Variants in LTK observed in about 807,000 individuals in gnomAD.
LTK encodes leukocyte tyrosine kinase receptor.
LTK carries 117 observed loss-of-function variants against 101.5 expected under a neutral mutation model. The observed-to-expected ratio is 1.15, with a 90% CI of 0.99 to 1.34. LTK has a LOEUF of 1.34. Ranked by LOEUF, LTK falls within the 40% of genes most tolerant of loss-of-function variation. The probability of loss-of-function intolerance (pLI) is 0.00; values close to 1 mark genes in which losing one functional copy is unlikely to be tolerated. For synonymous variants in LTK, 563 were observed against 494.2 expected, an observed-to-expected ratio of 1.14 and a Z score of -1.85; for missense variants, 1,252 against 1,164.7, an observed-to-expected ratio of 1.07 and a Z score of -1.09.
intron 11 of LTK, among the ~76,000 whole-genome samples, chr15:41,506,651 C>T (rs923022756): frequency 1.3e-5 from 2 of 152,016 alleles, no homozygotes; most frequent in Admixed American, 6.6e-5. Context: ...AGTGCAATGG[C>T]GCAATCTCGG....
At chr15:41,513,207 T>G in intron 1 of LTK, 87 bp from the exon 2 acceptor site, 1 of 1,463,466 alleles carries the variant, frequency 6.8e-7, no homozygotes, top group South Asian at 1.3e-5. Flanking sequence ...ACAGCTGCCC[T>G]TGCGGTCGCG....
At chr15:41,513,613 GC>G in intron 1 of LTK, 53 bp downstream of exon 1, 1 of 1,572,672 alleles carries the variant, frequency 6.4e-7, no homozygotes, top group Non-Finnish European at 8.7e-7. Flanking sequence ...CCACCCCCAA[GC>G]CTAGGAAAGT....
intron 11 of LTK, 140 bp from the exon 12 acceptor site, chr15:41,506,145 C>G: frequency 1.7e-6 from 1 of 602,414 alleles, no homozygotes; most frequent in Admixed American, 3.0e-5. Context: ...CATGGCATGT[C>G]CCCAGGTAGA....
Position 41,505,117 on chromosome 15 carries a change from C to T in LTK, c.1926-53G>A, listed in dbSNP as rs147416503. On this transcript the variant is annotated intron_variant, in intron 15 of 19. Coordinates refer to ENST00000263800, the MANE Select transcript of LTK (RefSeq NM_002344.6). Reference sequence around the variant, plus strand: ...CCAGAATCTAGAAGTTCTTGCTCTTCCTGATCTATTTCCTTAAAAGCTGTG... The same window carrying T: ...CCAGAATCTAGAAGTTCTTGCTCTTTCTGATCTATTTCCTTAAAAGCTGTG... The T allele has an allele frequency of 1.2e-4, 184 of 1,585,480 alleles. 2 individuals carry two copies. The East Asian group carries it at 2.6e-3, about 22-fold the overall frequency.
At chr15:41,513,581 T>C (rs2051564773) in intron 1 of LTK, 86 bp downstream of exon 1, 5 of 1,267,018 alleles carry the variant, frequency 3.9e-6, no homozygotes, top group Non-Finnish European at 5.8e-6. Context: ...GAGGAACCAC[T>C]GACACCTGGC....
rs534126157 is a variant in LTK, at chr15:41,504,331, C to G, written c.2346+11G>C. Reference sequence around the variant, plus strand: ...ACAAGACCAGGATGTTAGATTAGGTCGGGGGCACACCTGAGTGCAGTACTG... The same window carrying G: ...ACAAGACCAGGATGTTAGATTAGGTGGGGGGCACACCTGAGTGCAGTACTG... On this transcript the variant is annotated intron_variant, in intron 19 of 19. Coordinates refer to ENST00000263800, the MANE Select transcript of LTK (RefSeq NM_002344.6). The G allele has an allele frequency of 3.7e-6, 6 of 1,613,756 alleles. No homozygotes were observed. The highest frequency in any genetic ancestry group is 3.3e-5 in the South Asian group (3 of 91,068).
chr15:41,511,753 G>A lies in LTK; in HGVS notation c.657+64C>T, dbSNP rs902533098. 4.6e-5 allele frequency: 67 copies of A among 1,450,352 alleles called. No homozygotes were observed. The highest frequency in any genetic ancestry group is 5.1e-5 in the Non-Finnish European group (57 of 1,113,074). The allele number at this position is 1,450,352 out of a possible 1,614,324, so 89.8% of individuals were successfully genotyped here. A position where few individuals can be genotyped will look rare whatever the true frequency, so the allele number is the denominator to read the frequency against. ...ACCCCAAGGGACGGACGGAGAGCCG[G>A]TGCGTGAGCGCCCCTGGGGAGAGGA... On this transcript the variant is annotated intron_variant, in intron 5 of 19. Coordinates refer to ENST00000263800, the MANE Select transcript of LTK (RefSeq NM_002344.6). The surrounding 1 kb of genome is among the most constrained non-coding windows in gnomAD (Gnocchi z 5.9).
chr15:41,504,582 G>A lies in LTK; in HGVS notation c.2179C>T (p.Arg727Cys), dbSNP rs143635378. ...AAGTCCAGCACCTCCTGGTTGGTGC[G>A]CCCAGGATAGGGCATGTAGCCCAGT... ...FSLGYMPYPG[R>C]TNQEVLDFVV... Residue 727 changes from arginine (R) to cysteine (C), a missense_variant, in exon 18 of 20, where the codon CGC (arginine) becomes TGC (cysteine). By Grantham distance (180) the Arg-to-Cys change is radical (BLOSUM62 -3). Coordinates refer to ENST00000263800, the MANE Select transcript of LTK (RefSeq NM_002344.6). 9.1e-5 allele frequency: 147 copies of A among 1,613,654 alleles called. No homozygotes were observed. Among genetic ancestry groups the A allele is most frequent in the Admixed American group, 4.2e-4 (25 of 59,994 alleles).
chr15:41,513,605 AC>A, intron 1 of LTK, 61 bp downstream of exon 1: 1 of 1,517,056 alleles, frequency 6.6e-7, no homozygotes, highest in Non-Finnish European at 9.2e-7. Context: ...TTGACCGGCC[AC>A]CCCCAAGCCT....
rs149800453 is a variant in LTK at position 41,505,270 on chromosome 15, C to T, written c.1863G>A (p.Leu621=). ...QPSPLVMRDL[L]QLAQDIAQGC... is the part of the protein sequence containing the mutation. Reference sequence around the variant, plus strand: ...CCTGGGCTATGTCCTGGGCCAGTTGCAGCAGGTCCCGCATGACCAGAGGTG... The same window carrying T: ...CCTGGGCTATGTCCTGGGCCAGTTGTAGCAGGTCCCGCATGACCAGAGGTG... Residue 621 remains leucine (L), a synonymous_variant, in exon 15 of 20, where the codon CTG becomes CTA. Transcript: ENST00000263800. 7.5e-5 allele frequency: 121 copies of T among 1,614,050 alleles called. No homozygotes were observed. Among genetic ancestry groups the T allele is most frequent in the Non-Finnish European group, 9.5e-5 (112 of 1,180,002 alleles).
chr15:41,507,765 G>T, intron 9 of LTK, 108 bp from the exon 10 acceptor site: 1 of 1,232,974 alleles, frequency 8.1e-7, no homozygotes, highest in Non-Finnish European at 1.1e-6. Context: ...TTTCCATGAT[G>T]CCTTCCCCCA....
At chr15:41,512,404 G>A in intron 3 of LTK, 139 bp from the exon 4 acceptor site, 7 of 980,960 alleles carry the variant, frequency 7.1e-6, no homozygotes, top group Non-Finnish European at 1.0e-5. Flanking sequence ...GACGGGATGG[G>A]AAGGGTAGGT....
chr15:41,509,285 G>T (rs533345744), intron 7 of LTK, among the ~76,000 whole-genome samples, 156 bp from the exon 8 acceptor site: 1 of 152,152 alleles, frequency 6.6e-6, no homozygotes, highest in Non-Finnish European at 1.5e-5. Flanking sequence ...AGGTGAGGAG[G>T]GGGTAATCAG....
rs1479707521 is a variant in LTK, at chr15:41,508,076, G to A, written c.1242C>T (p.Thr414=). The A allele has an allele frequency of 1.9e-6, 3 of 1,604,472 alleles. No individual in the cohort carries two copies. The Admixed American group carries it at 5.1e-5, about 27-fold the overall frequency. ...GGCAAAGGTAGGACATACCCATGCA[G>A]GTGACGTTATCCACAGCTAGCTCCA... is the stretch of plus-strand genomic sequence containing the variant. ...EGMELAVDNV[T]CMDLHKPPGP... Residue 414 remains threonine (T), a synonymous_variant, in exon 9 of 20, where the codon ACC becomes ACT. Transcript: ENST00000263800.
Position 41,511,177 on chromosome 15 carries a change from G to A in LTK, c.984C>T (p.Gly328=), listed in dbSNP as rs763874211. Residue 328 remains glycine (G), a synonymous_variant, in exon 7 of 20, where the codon GGC becomes GGT. Coordinates refer to ENST00000263800, the MANE Select transcript of LTK (RefSeq NM_002344.6). This position sits in a 1 kb window ranked among gnomAD's most constrained non-coding sequence, Gnocchi z 5.9. ...CGGTGCACCTACCCCTGTAGCCGCC[G>A]CCGCCTCCGCCCGCAGTGCAGGCCC... The part of the protein sequence containing the change: ...GGGACTAGGG[G]GGYRGGDASE... 336 of 1,402,702 alleles carry A rather than the reference G, an allele frequency of 2.4e-4. 1 individual carries two copies. The highest frequency in any genetic ancestry group is 1.5e-4 in the Non-Finnish European group (164 of 1,087,056). 86.9% of individuals were successfully genotyped at this position (1,402,702 alleles called of 1,614,324 possible).
rs2051332438 is a variant in LTK at position 41,507,665 on chromosome 15, G to A, written c.1250-8C>T. 1 of 1,610,542 alleles carries A rather than the reference G, an allele frequency of 6.2e-7. No homozygotes were observed. Among genetic ancestry groups the A allele is most frequent in the Non-Finnish European group, 8.5e-7 (1 of 1,178,610 alleles). On this transcript the variant is annotated splice_polypyrimidine_tract_variant and splice_region_variant and intron_variant, in intron 9 of 19. Coordinates refer to ENST00000263800, the MANE Select transcript of LTK (RefSeq NM_002344.6). ...CTGGGGGCTTGTGCAGGTCTAGGGA[G>A]AAAGAGAGACACCTCCAGTGGGAAG...
intron 7 of LTK, among the ~76,000 whole-genome samples, chr15:41,510,740 C>A (rs1177082447): frequency 1.3e-5 from 2 of 152,314 alleles, no homozygotes; most frequent in East Asian, 3.9e-4. Context: ...GAATTACAGG[C>A]GTGAGCCACC....
In LTK at chr15:41,513,665, A is replaced by G. The variant is rs751425768; in HGVS notation, c.43+2T>C. The stretch of plus-strand genomic sequence containing the variant: ...GTCCCCTGACCGCCAGATAGCACTT[A>G]CCCGCGGCTCCGAACCACACCAGCA... On this transcript the variant is annotated splice_donor_variant, in intron 1 of 19. Transcript: ENST00000263800. LOFTEE classifies it high-confidence loss of function. 3 of 1,612,558 alleles carry G rather than the reference A, an allele frequency of 1.9e-6. No individual in the cohort carries two copies. Among genetic ancestry groups the G allele is most frequent in the Non-Finnish European group, 1.7e-6 (2 of 1,179,542 alleles).
rs1356554581 is a variant in LTK, at chr15:41,504,151, A to T, written c.2440T>A (p.Cys814Ser). 1 of 1,613,876 alleles carries T rather than the reference A, an allele frequency of 6.2e-7. No individual in the cohort carries two copies. The highest frequency in any genetic ancestry group is 1.7e-5 in the Admixed American group (1 of 60,012). Reference sequence around the variant, plus strand: ...TCCTGGGGCTGTGGGGGTCTTAGGCACTCCAAAGATCTGTTCCCCAGCCCA... The same window carrying T: ...TCCTGGGGCTGTGGGGGTCTTAGGCTCTCCAAAGATCTGTTCCCCAGCCCA... ...TSGLGNRSLE[C>S]LRPPQPQELS... The change falls in exon 20 of 20, where the codon TGC becomes AGC. Residue 814 changes from cysteine to serine, a missense_variant. Physicochemically the swap from Cys to Ser is moderately radical, Grantham distance 112. Coordinates refer to ENST00000263800, the MANE Select transcript of LTK (RefSeq NM_002344.6).
Sources: allele counts gnomAD v4.1 joint callset (sites outside exome capture counted in the v4.1 genomes callset), GRCh38; gene constraint gnomAD v4.1.1; non-coding constraint Gnocchi (gnomAD v3.1); transcripts MANE v1.5; gene names NCBI Gene and HGNC (gene_info 2026-07-23, HGNC 2026-07-21).